WRN: variants seen among roughly 807,000 people sequenced by gnomAD.
The protein encoded by WRN is bifunctional 3'-5' exonuclease/ATP-dependent helicase WRN.
A neutral mutation model predicts 180.7 loss-of-function variants in WRN; 149 were observed. The observed-to-expected ratio is 0.82, with a 90% CI of 0.72 to 0.94. WRN has a LOEUF of 0.94. Ranked by LOEUF, WRN falls within the 40% of genes least tolerant of loss-of-function variation. The pLI is 0.00. For missense variants in WRN, 1,661 were observed against 1,700.1 expected (o/e 0.98, Z 0.40); for synonymous variants, 548 against 568.9 (o/e 0.96, Z 0.52).
intron 11 of WRN, among the ~76,000 whole-genome samples, chr8:31,085,470 T>C (rs1490807708): frequency 6.9e-6 from 1 of 144,710 alleles, no homozygotes; most frequent in Non-Finnish European, 1.5e-5. Flanking sequence ...TGTTCCTTCT[T>C]TTTTTTTTTT....
intron 31 of WRN, among the ~76,000 whole-genome samples, chr8:31,154,312 C>T (rs1803279665): frequency 6.6e-6 from 1 of 151,956 alleles, no homozygotes. Flanking sequence ...AGATTGGGGA[C>T]TTATTTAAAG....
At chr8:31,146,593 T>C (rs1802865171) in intron 28 of WRN, among the ~76,000 whole-genome samples, 1 of 152,204 alleles carries the variant, frequency 6.6e-6, no homozygotes, top group Non-Finnish European at 1.5e-5. Flanking sequence ...GAATGCTTCT[T>C]GTTCTCTTCT....
chr8:31,126,227 C>T (rs1487086611), intron 23 of WRN, among the ~76,000 whole-genome samples: 1 of 152,056 alleles, frequency 6.6e-6, no homozygotes, highest in African/African-American at 2.4e-5. Context: ...ATGCAGTATT[C>T]ATGAACATGG....
At chr8:31,159,529 A>G (rs952581231) in intron 33 of WRN, among the ~76,000 whole-genome samples, 16 of 152,144 alleles carry the variant, frequency 1.1e-4, no homozygotes, top group African/African-American at 3.6e-4. Flanking sequence ...AGTAAAAGTT[A>G]TAATTTAAAA....
intron 7 of WRN, among the ~76,000 whole-genome samples, chr8:31,074,115 C>T (rs1036579994): frequency 2.7e-5 from 4 of 150,148 alleles, no homozygotes; most frequent in Admixed American, 6.7e-5. Context: ...TTAGTAGAGA[C>T]GGGGTTTCAC....
intron 11 of WRN, among the ~76,000 whole-genome samples, chr8:31,087,399 A>G (rs1043216852): frequency 6.6e-6 from 1 of 152,220 alleles, no homozygotes; most frequent in African/African-American, 2.4e-5. Flanking sequence ...TGATATAGAG[A>G]AACTTGTTCC....
At chr8:31,122,159 A>G (rs554626178) in intron 21 of WRN, among the ~76,000 whole-genome samples, 1 of 152,168 alleles carries the variant, frequency 6.6e-6, no homozygotes, top group African/African-American at 2.4e-5. Flanking sequence ...TAGTGGTGCC[A>G]GAAACCCATA....
chr8:31,167,316 T>G, intron 34 of WRN, 86 bp downstream of exon 34: 1 of 1,131,538 alleles, frequency 8.8e-7, no homozygotes, highest in Non-Finnish European at 1.3e-6. Context: ...TTTTTTGAAC[T>G]GTTATGAATT....
chr8:31,145,130 C>CT lies in WRN; in HGVS notation c.3383+1508dup, dbSNP rs201243845. Reference sequence around the variant, plus strand: ...AGCTGTAGCAAGTTATCCAGAAGATCTAGCTAAGATCATCGATGAAGGTGC... The same window carrying CT: ...AGCTGTAGCAAGTTATCCAGAAGATCTTAGCTAAGATCATCGATGAAGGTGC... On this transcript the variant is annotated intron_variant, in intron 28 of 34. Transcript: ENST00000298139. Among the ~76,000 whole-genome samples, 1,050 of 152,332 alleles carry CT rather than the reference C, an allele frequency of 6.9e-3. 11 individuals are homozygous for CT. The highest frequency in any genetic ancestry group is 0.024 in the African/African-American group (997 of 41,580).
At chr8:31,163,309 T>C (rs1455329369) in intron 33 of WRN, among the ~76,000 whole-genome samples, 1 of 152,238 alleles carries the variant, frequency 6.6e-6, no homozygotes, top group Admixed American at 6.5e-5. Flanking sequence ...GTTAATTTGC[T>C]TTTTAAATCA....
intron 18 of WRN, among the ~76,000 whole-genome samples, chr8:31,110,716 C>T (rs1801279042): frequency 6.6e-6 from 1 of 151,968 alleles, no homozygotes; most frequent in Admixed American, 6.6e-5. Flanking sequence ...AATATTGTTT[C>T]TTGTATCTGT....
chr8:31,038,782 C>T (rs2262638), intron 1 of WRN, among the ~76,000 whole-genome samples: 7 of 152,080 alleles, frequency 4.6e-5, no homozygotes, highest in Admixed American at 2.6e-4. Flanking sequence ...CAACTTCACT[C>T]TTTTCCATAT....
rs537673960 is a variant in WRN, at chr8:31,174,210, A to T, written c.*1108A>T. Among the ~76,000 whole-genome samples, 2 of 152,284 alleles carry T rather than the reference A, an allele frequency of 1.3e-5. No homozygotes were observed. The highest frequency in any genetic ancestry group is 4.1e-4 in the South Asian group (2 of 4,830). On this transcript the variant is annotated 3_prime_UTR_variant, in exon 35 of 35. Transcript: ENST00000298139. ...CAGAAGGTAGTGGCGCCTATTAAAT[A>T]TGTGATATGTTGTTGTCCAGCCATG...
chr8:31,156,548 T>C (rs1803392043), intron 32 of WRN, among the ~76,000 whole-genome samples: 1 of 152,190 alleles, frequency 6.6e-6, no homozygotes, highest in African/African-American at 2.4e-5. Context: ...AAACCTACCT[T>C]TGAAGGATGA....
intron 1 of WRN, among the ~76,000 whole-genome samples, chr8:31,038,924 A>G (rs533419619): frequency 2.0e-5 from 3 of 152,186 alleles, no homozygotes; most frequent in East Asian, 1.9e-4. Flanking sequence ...ATTCTATTCT[A>G]TTGTATTTAT....
chr8:31,092,279 A>T (rs1039179951), intron 16 of WRN, among the ~76,000 whole-genome samples: 16 of 152,070 alleles, frequency 1.1e-4, no homozygotes, highest in Non-Finnish European at 1.6e-4. Flanking sequence ...GTCTCATTTT[A>T]TAGATGAGAA....
rs1813704336 is a variant in WRN at position 31,090,499 on chromosome 8, G to A, written c.1687G>A (p.Glu563Lys). ...GAAAGTGATTCATTCAGTATTAGAA[G>A]AAAGAAGAGATAATGTTGCTGTCAT... ...QWKVIHSVLE[E>K]RRDNVAVMAT... The change falls in exon 14 of 35, where the codon GAA becomes AAA. Residue 563 changes from glutamate to lysine, a missense_variant. By Grantham distance (56) the Glu-to-Lys change is moderately conservative. Around this residue, in one of 3 missense-constraint regions of WRN, gnomAD observed 1,141 missense variants for 1,149.4 expected, o/e 0.99. Transcript: ENST00000298139. 1 of 1,612,182 alleles carries A rather than the reference G, an allele frequency of 6.2e-7. No homozygotes were observed. Among genetic ancestry groups the A allele is most frequent in the Non-Finnish European group, 8.5e-7 (1 of 1,178,762 alleles).
chr8:31,044,784 G>A (rs1811797282), intron 1 of WRN, among the ~76,000 whole-genome samples: 1 of 152,122 alleles, frequency 6.6e-6, no homozygotes, highest in African/African-American at 2.4e-5. Flanking sequence ...TGGCAGCTTA[G>A]TATGCCATAT....
intron 6 of WRN, among the ~76,000 whole-genome samples, chr8:31,067,713 A>G (rs1812766563): frequency 1.3e-5 from 2 of 152,306 alleles, no homozygotes; most frequent in South Asian, 4.1e-4. Context: ...CTTTATATAT[A>G]GCACTATTGT....
Sources: allele counts gnomAD v4.1 joint callset (sites outside exome capture counted in the v4.1 genomes callset), GRCh38; gene constraint gnomAD v4.1.1; regional missense constraint gnomAD v4.1.1; transcripts MANE v1.5; gene names NCBI Gene and HGNC (gene_info 2026-07-23, HGNC 2026-07-21).